MSH3: variants seen among roughly 807,000 people sequenced by gnomAD.
MSH3 encodes the protein mutS homolog 3, also known as DNA mismatch repair protein Msh3.
Under a neutral mutation model 123.3 loss-of-function variants are expected in MSH3, and 106 were observed. The observed-to-expected ratio is 0.86, with a 90% confidence interval of 0.73 to 1.01. The LOEUF is 1.01. Among genes scored for constraint, MSH3 ranks in the 50% least tolerant of loss-of-function variants. The probability of loss-of-function intolerance (pLI) is 0.00; values close to 1 mark genes in which losing one functional copy is unlikely to be tolerated. For synonymous variants in MSH3, 515 were observed against 481.4 expected, an observed-to-expected ratio of 1.07 and a Z score of -0.91; for missense variants, 1,459 against 1,347.6, an observed-to-expected ratio of 1.08 and a Z score of -1.29.
intron 20 of MSH3, among the ~76,000 whole-genome samples, chr5:80,842,606 C>CTTGAAGAGGTCTTTCACATCCCT: frequency 6.6e-6 from 1 of 152,042 alleles, no homozygotes; most frequent in Non-Finnish European, 1.5e-5. Flanking sequence ...TGTAGTTCTC[C>CTTGAAGAGGTCTTTCACATCCCT]TTGAAGAGGT....
At chr5:80,863,047 A>G (rs937477349) in intron 21 of MSH3, among the ~76,000 whole-genome samples, 2 of 152,224 alleles carry the variant, frequency 1.3e-5, no homozygotes, top group Non-Finnish European at 2.9e-5. Flanking sequence ...GGGAAAAGGT[A>G]TAGTGAAGAA....
chr5:80,745,384 T>C (rs1407494282), intron 12 of MSH3, among the ~76,000 whole-genome samples: 1 of 152,238 alleles, frequency 6.6e-6, no homozygotes, highest in Non-Finnish European at 1.5e-5. Flanking sequence ...GTTTATTGAA[T>C]GAAAATTGTT....
chr5:80,775,890 CT>C (rs760266846), intron 16 of MSH3, 132 bp downstream of exon 16: 48,361 of 480,916 alleles, frequency 0.1, 2 homozygotes, highest in South Asian at 0.14. Context: ...TCTGATGGAA[CT>C]TTTTTTTTTT....
chr5:80,742,831 C>A (rs1442336018), intron 11 of MSH3, among the ~76,000 whole-genome samples: 2 of 152,154 alleles, frequency 1.3e-5, no homozygotes, highest in Non-Finnish European at 2.9e-5. Flanking sequence ...GTGCTGATAG[C>A]CTGCAGCCAG....
intron 21 of MSH3, among the ~76,000 whole-genome samples, chr5:80,856,283 GT>G (rs909353462): frequency 2.7e-4 from 41 of 150,724 alleles, no homozygotes; most frequent in African/African-American, 9.1e-4. Context: ...ATAACATTTT[GT>G]TTTTTTTAAG....
intron 18 of MSH3, among the ~76,000 whole-genome samples, chr5:80,789,992 T>C (rs1744581095): frequency 6.6e-6 from 1 of 152,188 alleles, no homozygotes; most frequent in Admixed American, 6.5e-5. Context: ...AATACCAACT[T>C]TAAGTGAGGG....
rs1743271763 is a variant in MSH3, at chr5:80,725,518, T to C, written c.1406T>C (p.Phe469Ser). ...ATTTATTTTGAATACAGCCATGCTT[T>C]CCAGGCAGTTACAGAGTTTTATGCA... ...DNIYFEYSHA[F>S]QAVTEFYAKD... Residue 469 changes from phenylalanine to serine, a missense_variant, in exon 9 of 24, where the codon TTC becomes TCC. By Grantham distance (155) the Phe-to-Ser change is radical. Transcript: ENST00000265081. The C allele has an allele frequency of 6.2e-7, 1 of 1,613,978 alleles. No homozygotes were observed. Among genetic ancestry groups the C allele is most frequent in the Non-Finnish European group, 8.5e-7 (1 of 1,179,968 alleles).
At chr5:80,676,374 T>C (rs1467924887) in intron 7 of MSH3, among the ~76,000 whole-genome samples, 2 of 152,210 alleles carry the variant, frequency 1.3e-5, no homozygotes, top group Non-Finnish European at 2.9e-5. Context: ...TGAATAAATT[T>C]GCTCATTTAC....
intron 19 of MSH3, among the ~76,000 whole-genome samples, chr5:80,808,936 C>T (rs2112047631): frequency 7.3e-6 from 1 of 136,444 alleles, no homozygotes; most frequent in Admixed American, 7.6e-5. Flanking sequence ...ATGCCATACA[C>T]ATTTTACTCA....
rs1163885214 is a variant in MSH3, at chr5:80,679,015, T to C, written c.1262T>C (p.Leu421Pro). ...GAGCTAGAAACCCGGATGTCAAGCC[T>C]GCAGCCAGTAGAGCTGCTGCTTCCT... ...RSELETRMSS[L>P]QPVELLLPSA... Residue 421 changes from leucine (L) to proline (P), a missense_variant, in exon 8 of 24, where the codon CTG (leucine) becomes CCG (proline). Coordinates refer to ENST00000265081, the MANE Select transcript of MSH3 (RefSeq NM_002439.5). 1 of 1,614,070 alleles carries C rather than the reference T, an allele frequency of 6.2e-7. No individual in the cohort carries two copies. Among genetic ancestry groups the C allele is most frequent in the African/African-American group, 1.3e-5 (1 of 74,942 alleles).
chr5:80,694,509 T>A (rs1750425809), intron 8 of MSH3, among the ~76,000 whole-genome samples: 1 of 152,172 alleles, frequency 6.6e-6, no homozygotes, highest in Non-Finnish European at 1.5e-5. Context: ...TAATTTTTCC[T>A]TGAACCATCA....
At chr5:80,856,857 AACAG>A (rs917688560) in intron 21 of MSH3, among the ~76,000 whole-genome samples, 58 of 149,644 alleles carry the variant, frequency 3.9e-4, no homozygotes, top group African/African-American at 1.4e-3. Flanking sequence ...GTCAGATACA[AACAG>A]ACAGTTTCAC....
At chr5:80,751,396 C>T (rs1743834294) in intron 12 of MSH3, among the ~76,000 whole-genome samples, 2 of 152,080 alleles carry the variant, frequency 1.3e-5, no homozygotes, top group Admixed American at 1.3e-4. Flanking sequence ...TTCGACAAAC[C>T]CGATACAAAC....
At chr5:80,865,366 T>A (rs1408953103) in intron 22 of MSH3, among the ~76,000 whole-genome samples, 1 of 152,164 alleles carries the variant, frequency 6.6e-6, no homozygotes, top group Non-Finnish European at 1.5e-5. Context: ...CCATATACTG[T>A]ACTGGACATA....
rs565769895 is a variant in MSH3 at position 80,682,781 on chromosome 5, CTG to C, written c.1340+3690_1340+3691del. 1.6e-4 allele frequency among the ~76,000 whole-genome samples: 25 copies of C among 152,282 alleles called. No individual in the cohort carries two copies. The South Asian group carries it at 5.2e-3, about 32-fold the overall frequency. On this transcript the variant is annotated intron_variant, in intron 8 of 23. Coordinates refer to ENST00000265081, the MANE Select transcript of MSH3 (RefSeq NM_002439.5). ...AAATGTACAATTAAATGATTTTTGA[CTG>C]TAGTCATTCTGTTGCACTATCAAAT...
At position 80,673,451 on chromosome 5, in the gene MSH3, C is replaced by G. The variant is rs1264385144; in HGVS notation, c.1027+593C>G. ...GGCTGAGGTGGGACAATCACGTCAG[C>G]CTAGGAAGTAGAGGCTGCAGTGAGC... On this transcript the variant is annotated intron_variant, in intron 6 of 23. Transcript: ENST00000265081. Among the ~76,000 whole-genome samples the G allele has an allele frequency of 2.0e-5, 3 of 152,144 alleles. No homozygotes were observed. In the East Asian group the frequency reaches 5.8e-4, roughly 29 times the overall value.
At chr5:80,805,941 G>C (rs1358669157) in intron 19 of MSH3, among the ~76,000 whole-genome samples, 2 of 152,028 alleles carry the variant, frequency 1.3e-5, no homozygotes, top group Admixed American at 6.5e-5. Flanking sequence ...GAAGTTGAAG[G>C]TATCAGTCCT....
chr5:80,827,060 G>A (rs562026196), intron 20 of MSH3, among the ~76,000 whole-genome samples: 11 of 152,230 alleles, frequency 7.2e-5, no homozygotes, highest in African/African-American at 2.6e-4. Flanking sequence ...ACTGAGATAA[G>A]ATCTGTTTAT....
At chr5:80,758,433 G>A (rs369308603) in intron 12 of MSH3, among the ~76,000 whole-genome samples, 2 of 152,104 alleles carry the variant, frequency 1.3e-5, no homozygotes, top group East Asian at 1.9e-4. Context: ...CCAAGAGTTA[G>A]GGCTCATTGC....
Sources: gnomAD v4.1 joint callset for allele counts (sites outside exome capture counted in the v4.1 genomes callset) on GRCh38, gnomAD v4.1.1 for gene constraint, MANE v1.5 for transcripts, NCBI Gene and HGNC (gene_info 2026-07-23, HGNC 2026-07-21) for gene names.